CEP164: variants seen among roughly 807,000 people sequenced by gnomAD.
CEP164 encodes the protein centrosomal protein 164.
A neutral mutation model predicts 182.7 loss-of-function variants in CEP164; 162 were observed. The ratio of observed to expected loss-of-function variants is 0.89; its 90% CI spans 0.78 to 1.01. The LOEUF is 1.01. Among genes scored for constraint, CEP164 ranks in the 50% least tolerant of loss-of-function variants. The pLI, the probability that CEP164 is intolerant of heterozygous loss-of-function variation, is 0.00. For synonymous variants in CEP164, 661 were observed against 690.0 expected, an observed-to-expected ratio of 0.96 and a Z score of 0.66; for missense variants, 1,735 against 1,790.4, an observed-to-expected ratio of 0.97 and a Z score of 0.56.
Position 117,371,143 on chromosome 11 carries a change from G to A in CEP164, c.829G>A (p.Gly277Ser), listed in dbSNP as rs772164945. 7 of 1,612,726 alleles carry A rather than the reference G, an allele frequency of 4.3e-6. No homozygotes were observed. The highest frequency in any genetic ancestry group is 2.2e-5 in the East Asian group (1 of 44,846). ...TGTTTCTCTGGATTCAGATGCTGCC[G>A]GTCCCCCTACTCCCTGCAAGCCCTC... ...KDVSLDSDAA[G>S]PPTPCKPSSP... Residue 277 changes from glycine (G) to serine (S), a missense_variant, in exon 9 of 33, where the codon GGT becomes AGT. Gly to Ser is a moderately conservative substitution (Grantham distance 56). Coordinates refer to ENST00000278935, the MANE Select transcript of CEP164 (RefSeq NM_014956.5).
rs1246013164 is a variant in CEP164 at position 117,338,656 on chromosome 11, C to G, written c.70C>G (p.Pro24Ala). ...AGAAGATTATGATGAGACCTACATT[C>G]CTAGTGAGCAAGGTAACAAGTCTGT... ...LEEDYDETYIPSEQEILEFAR... is the reference protein window; with the variant it reads ...LEEDYDETYIASEQEILEFAR... The change falls in exon 3 of 33, where the codon CCT (proline) becomes GCT (alanine). Residue 24 changes from proline (P) to alanine (A), a missense_variant. Coordinates refer to ENST00000278935, the MANE Select transcript of CEP164 (RefSeq NM_014956.5). 1 of 1,613,180 alleles carries G rather than the reference C, an allele frequency of 6.2e-7. No homozygotes were observed. Among genetic ancestry groups the G allele is most frequent in the Non-Finnish European group, 8.5e-7 (1 of 1,179,136 alleles).
At chr11:117,370,500 G>A (rs1044107748) in intron 8 of CEP164, among the ~76,000 whole-genome samples, 16 of 152,176 alleles carry the variant, frequency 1.1e-4, no homozygotes, top group African/African-American at 3.6e-4. Context: ...GAGTTGTATC[G>A]TCCAGTGTAG....
intron 5 of CEP164, among the ~76,000 whole-genome samples, chr11:117,359,275 T>C (rs2040663587): frequency 6.6e-6 from 1 of 152,152 alleles, no homozygotes. Context: ...CCAACCTCCG[T>C]TTGCTCGTAT....
At position 117,409,571 on chromosome 11, in the gene CEP164, G is replaced by C; in HGVS notation, c.3749-47G>C. 1 of 1,527,990 alleles carries C rather than the reference G, an allele frequency of 6.5e-7. No homozygotes were observed. The highest frequency in any genetic ancestry group is 8.9e-7 in the Non-Finnish European group (1 of 1,121,686). 94.7% of individuals were successfully genotyped at this position (1,527,990 alleles called of 1,614,324 possible). On this transcript the variant is annotated intron_variant, in intron 29 of 32. Coordinates refer to ENST00000278935, the MANE Select transcript of CEP164 (RefSeq NM_014956.5). This position sits in a 1 kb window ranked among gnomAD's most constrained non-coding sequence, Gnocchi z 4.4. ...ACAGCTGTGTCTGGGAATGGTCCAG[G>C]GTCCTGAGCTTGAGTCCCTTCCCAC... is the stretch of plus-strand genomic sequence containing the variant.
intron 16 of CEP164, 42 bp downstream of exon 16, chr11:117,390,950 G>A: frequency 6.2e-7 from 1 of 1,613,946 alleles, no homozygotes; most frequent in South Asian, 1.1e-5. Context: ...CCCTGCGGAG[G>A]CGACCCCAGG....
intron 7 of CEP164, 108 bp from the exon 8 acceptor site, chr11:117,363,320 TG>T: frequency 2.7e-6 from 2 of 729,960 alleles, no homozygotes; most frequent in Non-Finnish European, 4.7e-6. Flanking sequence ...AAGCCCTGCC[TG>T]GGCCCGCCTG....
chr11:117,394,552 G>T lies in CEP164; in HGVS notation c.2760+59G>T. 6.3e-7 allele frequency: 1 copy of T among 1,590,618 alleles called. No individual in the cohort carries two copies. The highest frequency in any genetic ancestry group is 1.8e-5 in the Admixed American group (1 of 57,126). The stretch of plus-strand genomic sequence containing the variant: ...ACCCCTCCATGCACAGTAGGAAGGT[G>T]CTGGGAGCAGACGCATGGCCCCAGC... On this transcript the variant is annotated intron_variant, in intron 21 of 32. Transcript: ENST00000278935. The surrounding 1 kb of genome is among the most constrained non-coding windows in gnomAD (Gnocchi z 4.0).
At chr11:117,410,041 TCTCCTG>T (rs769588690) in intron 30 of CEP164, 76 bp downstream of exon 30, 11 of 1,343,450 alleles carry the variant, frequency 8.2e-6, no homozygotes, top group South Asian at 5.9e-5. Context: ...CTACCCTCTT[TCTCCTG>T]CTCCTTTTCT....
intron 1 of CEP164, among the ~76,000 whole-genome samples, chr11:117,322,793 G>C (rs1255080964): frequency 1.0e-5 from 1 of 98,230 alleles, no homozygotes; most frequent in Non-Finnish European, 1.9e-5. Context: ...TGGAGATGGA[G>C]TCTTTTCTGT....
chr11:117,350,941 C>T (rs1233653302), intron 4 of CEP164, among the ~76,000 whole-genome samples: 1 of 152,168 alleles, frequency 6.6e-6, no homozygotes, highest in Non-Finnish European at 1.5e-5. Flanking sequence ...TTATTTTGGA[C>T]TTGTCCATGT....
intron 27 of CEP164, among the ~76,000 whole-genome samples, chr11:117,399,049 A>G (rs2045850288): frequency 6.6e-6 from 1 of 152,066 alleles, no homozygotes; most frequent in Non-Finnish European, 1.5e-5. Context: ...GGTTTGTTAC[A>G]TAGGTATATA....
intron 27 of CEP164, among the ~76,000 whole-genome samples, chr11:117,398,523 C>T (rs1035439550): frequency 6.6e-6 from 1 of 152,238 alleles, no homozygotes; most frequent in Non-Finnish European, 1.5e-5. Flanking sequence ...AGCAGAAGTT[C>T]TCCATGAGGG....
chr11:117,327,789 A>G (rs2035551621), upstream of CEP164: 1 of 152,150 alleles, frequency 6.6e-6, no homozygotes, highest in Non-Finnish European at 1.5e-5. Context: ...TCAGCCGGCG[A>G]CCTATTGGCT....
chr11:117,408,074 C>T (rs773319795), intron 28 of CEP164, 42 bp downstream of exon 28: 3 of 1,436,540 alleles, frequency 2.1e-6, no homozygotes, highest in Non-Finnish European at 2.9e-6. Flanking sequence ...CCCTGGCCTT[C>T]CTCTTCTGTT....
intron 9 of CEP164, among the ~76,000 whole-genome samples, chr11:117,372,439 T>C (rs1273018299): frequency 4.1e-5 from 6 of 145,142 alleles, no homozygotes; most frequent in African/African-American, 1.5e-4. Context: ...TTTTTTGAGA[T>C]GGATTTTCAC....
chr11:117,322,887 T>TCCTA (rs1448089207), upstream of CEP164, among the ~76,000 whole-genome samples: 1 of 147,738 alleles, frequency 6.8e-6, no homozygotes, highest in Non-Finnish European at 1.5e-5. Flanking sequence ...TGCTTCAGCC[T>TCCTA]CCTAAGTAGC....
rs562650691 is a variant in CEP164, at chr11:117,410,895, G to T, written c.4163+1G>T. ...GCAGGCTGGGTTACATGTCTGCCAG[G>T]TGAGCCTCCCTGGGGGCTGGTTGGG... On this transcript the variant is annotated splice_donor_variant, in intron 31 of 32. Coordinates refer to ENST00000278935, the MANE Select transcript of CEP164 (RefSeq NM_014956.5). LOFTEE classifies it high-confidence loss of function. 1 of 1,612,712 alleles carries T rather than the reference G, an allele frequency of 6.2e-7. No homozygotes were observed. Among genetic ancestry groups the T allele is most frequent in the African/African-American group, 1.3e-5 (1 of 75,038 alleles).
chr11:117,351,729 T>G, intron 4 of CEP164, 61 bp from the exon 5 acceptor site: 1 of 1,275,814 alleles, frequency 7.8e-7, no homozygotes, highest in Admixed American at 2.2e-5. Flanking sequence ...TTTTCCCCTC[T>G]TTTTTTTTTC....
intron 8 of CEP164, among the ~76,000 whole-genome samples, chr11:117,365,664 C>G (rs755207824): frequency 6.6e-6 from 1 of 152,152 alleles, no homozygotes; most frequent in Non-Finnish European, 1.5e-5. Flanking sequence ...ACTGCAGCCT[C>G]CACCTCCTGG....
Sources: allele counts gnomAD v4.1 joint callset (sites outside exome capture counted in the v4.1 genomes callset), GRCh38; gene constraint gnomAD v4.1.1; non-coding constraint Gnocchi (gnomAD v3.1); transcripts MANE v1.5; gene names NCBI Gene and HGNC (gene_info 2026-07-23, HGNC 2026-07-21).